The following NETO2 variants were observed in gnomAD, a reference collection of about 807,000 sequenced individuals.
NETO2 encodes neuropilin and tolloid like 2.
In NETO2, 28 loss-of-function variants were observed where a neutral mutation model predicts 62.5. The ratio of observed to expected loss-of-function variants is 0.45; its 90% confidence interval spans 0.33 to 0.61. NETO2 has a LOEUF of 0.61. Among genes scored for constraint, NETO2 ranks in the 20% least tolerant of loss-of-function variants. The probability of loss-of-function intolerance (pLI) is 0.02; values close to 1 mark genes in which losing one functional copy is unlikely to be tolerated. For synonymous variants in NETO2, 214 were observed against 219.1 expected, an observed-to-expected ratio of 0.98 and a Z score of 0.21; for missense variants, 548 against 643.2, an observed-to-expected ratio of 0.85 and a Z score of 1.60.
At chr16:47,105,922 A>G (rs1358217046) in intron 7 of NETO2, among the ~76,000 whole-genome samples, 1 of 152,230 alleles carries the variant, frequency 6.6e-6, no homozygotes, top group Non-Finnish European at 1.5e-5. Context: ...CCGGTTCCTC[A>G]AAAACTTAAA....
intron 1 of NETO2, among the ~76,000 whole-genome samples, chr16:47,135,969 T>C (rs1433951561): frequency 1.3e-5 from 2 of 152,094 alleles, no homozygotes; most frequent in East Asian, 1.9e-4. Flanking sequence ...ATATACTGAA[T>C]AAAACAGAGC....
At chr16:47,102,588 A>C (rs1449348703) in intron 7 of NETO2, among the ~76,000 whole-genome samples, 2 of 147,810 alleles carry the variant, frequency 1.4e-5, no homozygotes, top group African/African-American at 5.1e-5. Flanking sequence ...AAACAAATTT[A>C]CAAGAAAAAA....
At chr16:47,125,782 C>G (rs144647411) in intron 4 of NETO2, among the ~76,000 whole-genome samples, 7 of 152,160 alleles carry the variant, frequency 4.6e-5, no homozygotes, top group African/African-American at 1.7e-4. Context: ...CTTTGAACTT[C>G]TGGGCTCATG....
At chr16:47,126,535 G>A (rs907947904) in intron 4 of NETO2, among the ~76,000 whole-genome samples, 4 of 152,166 alleles carry the variant, frequency 2.6e-5, no homozygotes, top group African/African-American at 9.7e-5. Flanking sequence ...GTTCTGTATG[G>A]TTCTGTAAGG....
Position 47,128,345 on chromosome 16 carries a change from G to C in NETO2, c.461C>G (p.Ala154Gly), listed in dbSNP as rs1303095861. ...TTTACCTGGAATAAATGAATATTTTGCTCGAAATCCCAGTCCTTCAAGCTC... is the reference window on the plus strand; with the variant it reads ...TTTACCTGGAATAAATGAATATTTTCCTCGAAATCCCAGTCCTTCAAGCTC... ...DEELEGLGFR[A>G]KYSFIPDPDF... The change falls in exon 4 of 9, where the codon GCA becomes GGA. Residue 154 changes from alanine (A) to glycine (G), a missense_variant. Ala to Gly is a moderately conservative substitution (Grantham distance 60). Transcript: ENST00000562435. The C allele has an allele frequency of 1.9e-6, 3 of 1,613,224 alleles. No individual in the cohort carries two copies. The highest frequency in any genetic ancestry group is 1.1e-5 in the South Asian group (1 of 90,902).
In NETO2 at chr16:47,128,557, T is replaced by G. The variant is rs772892447; in HGVS notation, c.249A>C (p.Arg83Ser). The G allele has an allele frequency of 5.0e-6, 8 of 1,612,276 alleles. No homozygotes were observed. Among genetic ancestry groups the G allele is most frequent in the Non-Finnish European group, 6.8e-6 (8 of 1,179,728 alleles). The change falls in exon 4 of 9, where the codon AGA becomes AGC. Residue 83 changes from arginine to serine, a missense_variant. Arg to Ser is a moderately radical substitution (Grantham distance 110). Transcript: ENST00000562435. ...AATGTTCATCAAAGGTCAACTCTAT[T>G]CTTTGACGTGGAGCAGCTAGAAAAT... ...IYILEAAPRQRIELTFDEHYY... is the reference protein window; with the variant it reads ...IYILEAAPRQSIELTFDEHYY...
chr16:47,117,093 A>G (rs983770214), intron 6 of NETO2, among the ~76,000 whole-genome samples: 3 of 152,146 alleles, frequency 2.0e-5, no homozygotes, highest in African/African-American at 7.2e-5. Context: ...CCTTTATAGC[A>G]AGTGCATAGG....
In NETO2 at chr16:47,080,515, T is replaced by C. The variant is rs1963045193; in HGVS notation, c.*2706A>G. On this transcript the variant is annotated 3_prime_UTR_variant, in exon 9 of 9. Coordinates refer to ENST00000562435, the MANE Select transcript of NETO2 (RefSeq NM_018092.5). ...CACTGATCTCAAAGATTAAAGGCTG[T>C]ATATACAGCAATTAGCATTATTCTG... 1 of 152,246 alleles carries C rather than the reference T, an allele frequency of 6.6e-6. No homozygotes were observed. 9.4% of individuals were successfully genotyped at this position (152,246 alleles called of 1,614,324 possible).
At chr16:47,140,789 T>C (rs1964446627) in intron 1 of NETO2, among the ~76,000 whole-genome samples, 1 of 152,220 alleles carries the variant, frequency 6.6e-6, no homozygotes, top group Non-Finnish European at 1.5e-5. Context: ...AGTTAATACT[T>C]GCACCGTCTC....
chr16:47,097,091 G>A (rs1963442203), intron 7 of NETO2, among the ~76,000 whole-genome samples: 1 of 152,164 alleles, frequency 6.6e-6, no homozygotes, highest in Non-Finnish European at 1.5e-5. Flanking sequence ...CATAAAACTG[G>A]CGGCCATTTG....
At position 47,136,905 on chromosome 16, in the gene NETO2, A is replaced by G. The variant is rs1006949128; in HGVS notation, c.35-4880T>C. On this transcript the variant is annotated intron_variant, in intron 1 of 8. Coordinates refer to ENST00000562435, the MANE Select transcript of NETO2 (RefSeq NM_018092.5). ...TTTGAGGTGAAGAGCACCTTCATTT[A>G]CTAACGACAGACACATAAATAAAAA... 5.3e-5 allele frequency among the ~76,000 whole-genome samples: 8 copies of G among 152,302 alleles called. No individual in the cohort carries two copies. In the South Asian group the frequency reaches 1.2e-3, roughly 24 times the overall value.
At chr16:47,116,496 A>AT (rs766142677) in intron 6 of NETO2, among the ~76,000 whole-genome samples, 1 of 152,194 alleles carries the variant, frequency 6.6e-6, no homozygotes, top group East Asian at 1.9e-4. Context: ...ACTATTATGT[A>AT]TTTTTTTATA....
chr16:47,103,981 T>C (rs1035106078), intron 7 of NETO2, among the ~76,000 whole-genome samples: 5 of 152,160 alleles, frequency 3.3e-5, no homozygotes, highest in African/African-American at 4.8e-5. Flanking sequence ...AGATACCCAA[T>C]TTCACTTCTA....
intron 6 of NETO2, among the ~76,000 whole-genome samples, chr16:47,111,156 C>T (rs1329684411): frequency 4.6e-5 from 7 of 152,304 alleles, no homozygotes; most frequent in Admixed American, 6.5e-5. Flanking sequence ...GTGATGTCTT[C>T]CAATGGAAGG....
At chr16:47,138,005 A>C (rs1240509607) in intron 1 of NETO2, among the ~76,000 whole-genome samples, 2 of 152,186 alleles carry the variant, frequency 1.3e-5, no homozygotes, top group Admixed American at 1.3e-4. Flanking sequence ...GTCCAGTATG[A>C]GGCTGGAGTG....
chr16:47,084,288 C>T (rs758470210), intron 8 of NETO2, among the ~76,000 whole-genome samples: 3 of 152,114 alleles, frequency 2.0e-5, no homozygotes, highest in Admixed American at 6.5e-5. Context: ...CACTTCATGT[C>T]GAGTATTTAC....
chr16:47,129,296 C>T lies in NETO2; in HGVS notation c.160G>A (p.Gly54Arg). ...QCGIWVRTSN[G>R]GHFASPNYPD... ...TAATTTGGCGAAGCAAAATGACCTCCATTGCTGGTTCGAACCCAAATGCCA... is the reference window on the plus strand; with the variant it reads ...TAATTTGGCGAAGCAAAATGACCTCTATTGCTGGTTCGAACCCAAATGCCA... The change falls in exon 3 of 9, where the codon GGA becomes AGA. Residue 54 changes from glycine (G) to arginine (R), a missense_variant. Gly to Arg is a moderately radical substitution (Grantham distance 125). Transcript: ENST00000562435. 1 of 1,613,966 alleles carries T rather than the reference C, an allele frequency of 6.2e-7. No individual in the cohort carries two copies. The highest frequency in any genetic ancestry group is 8.5e-7 in the Non-Finnish European group (1 of 1,179,868).
chr16:47,130,441 T>C, intron 2 of NETO2, among the ~76,000 whole-genome samples: 1 of 150,430 alleles, frequency 6.6e-6, no homozygotes, highest in East Asian at 1.9e-4. Flanking sequence ...ATCTCTAATA[T>C]AAATAAATAA....
chr16:47,086,679 G>A (rs1419947729), intron 7 of NETO2, among the ~76,000 whole-genome samples: 1 of 152,130 alleles, frequency 6.6e-6, no homozygotes, highest in South Asian at 2.1e-4. Flanking sequence ...GAACCCTTCT[G>A]TACTGAGGGT....
Sources: allele counts gnomAD v4.1 joint callset (sites outside exome capture counted in the v4.1 genomes callset), GRCh38; gene constraint gnomAD v4.1.1; transcripts MANE v1.5; gene names NCBI Gene and HGNC (gene_info 2026-07-23, HGNC 2026-07-21).